Variants in ZNF385D observed in about 807,000 individuals in gnomAD.
The protein encoded by ZNF385D is zinc finger protein 385D, also known as zinc finger protein 659.
Under a neutral mutation model 35.8 loss-of-function variants are expected in ZNF385D, and 15 were observed. That is an observed-to-expected ratio of 0.42 (90% CI 0.28 to 0.64). The LOEUF (loss-of-function observed/expected upper bound fraction) is 0.64, where lower values mean the gene tolerates loss of function less well. Among genes scored for constraint, ZNF385D ranks in the 30% least tolerant of loss-of-function variants. ZNF385D has a pLI of 0.23. For missense variants in ZNF385D, 474 were observed against 494.6 expected, an observed-to-expected ratio of 0.96 and a Z score of 0.39; for synonymous variants, 212 against 186.8, an observed-to-expected ratio of 1.13 and a Z score of -1.10.
Position 21,511,043 on chromosome 3 carries a change from G to A in ZNF385D, c.277-20C>T. ...CTGGCTCTACAAAGGAGAACAAAAT[G>A]AACCATGCAATCAGGCTCATTTCTA... On this transcript the variant is annotated intron_variant, in intron 3 of 7. Coordinates refer to ENST00000281523, the MANE Select transcript of ZNF385D (RefSeq NM_024697.3). 1 of 1,613,462 alleles carries A rather than the reference G, an allele frequency of 6.2e-7. No individual in the cohort carries two copies. The highest frequency in any genetic ancestry group is 1.3e-5 in the African/African-American group (1 of 74,996).
intron 3 of ZNF385D, among the ~76,000 whole-genome samples, chr3:22,128,453 G>A (rs1021655820): frequency 6.6e-6 from 1 of 151,968 alleles, no homozygotes; most frequent in Admixed American, 6.6e-5. Flanking sequence ...AAAGTTCTCT[G>A]TTGTCTCTCT....
Position 21,810,971 on chromosome 3 carries a change from C to CGTGT in ZNF385D, c.326-145947_326-145944dup, listed in dbSNP as rs139624741. ...ACACACACACATATGTGTGTGTATA[C>CGTGT]GTGTGTGTGTGTGTGTGTGTGTGTG... On this transcript the variant is annotated intron_variant, in intron 3 of 5. Transcript: ENST00000494108. Among the ~76,000 whole-genome samples, 527 of 144,384 alleles carry CGTGT rather than the reference C, an allele frequency of 3.6e-3. 6 individuals carry two copies. The highest frequency in any genetic ancestry group is 0.012 in the African/African-American group (467 of 38,762). 94.7% of individuals were successfully genotyped at this position (144,384 alleles called of 152,430 possible).
chr3:21,803,038 TAA>T (rs1559636966), intron 3 of ZNF385D, among the ~76,000 whole-genome samples: 1 of 152,158 alleles, frequency 6.6e-6, no homozygotes. Flanking sequence ...TTAATTATGT[TAA>T]GAGTTTGTCT....
upstream of ZNF385D, among the ~76,000 whole-genome samples, chr3:21,754,853 T>C (rs191159695): frequency 1.4e-3 from 206 of 152,284 alleles, 3 homozygotes; most frequent in African/African-American, 4.5e-3. Flanking sequence ...ACAATAAATA[T>C]TTGTGAATGA....
At chr3:22,107,879 G>A (rs998346597) in intron 3 of ZNF385D, among the ~76,000 whole-genome samples, 1 of 152,042 alleles carries the variant, frequency 6.6e-6, no homozygotes, top group African/African-American at 2.4e-5. Flanking sequence ...TGTTGTCAAT[G>A]TGATGGTATT....
chr3:22,234,866 C>A (rs1472159170), intron 2 of ZNF385D, among the ~76,000 whole-genome samples: 6 of 152,102 alleles, frequency 3.9e-5, no homozygotes, highest in African/African-American at 1.4e-4. Context: ...ATTTCATCAA[C>A]TATCCTGCAT....
chr3:21,418,709 A>G lies in ZNF385D; in HGVS notation c.*2505T>C, dbSNP rs9700. ...GCTCATTCACTTTGGTGAAAATGGG[A>G]AAGAACAGCAAAAGCACGTTTTAGT... On this transcript the variant is annotated 3_prime_UTR_variant, in exon 8 of 8. Transcript: ENST00000281523. 0.45 allele frequency: 68,985 copies of G among 151,962 alleles called. 16,110 individuals carry two copies. The highest frequency in any genetic ancestry group is 0.53 in the East Asian group (2,711 of 5,144). The allele number at this position is 151,962 out of a possible 1,614,324, so 9.4% of individuals were successfully genotyped here. A position where few individuals can be genotyped will look rare whatever the true frequency, so the allele number is the denominator to read the frequency against.
At chr3:21,590,779 CATAA>C (rs1256454339) in intron 2 of ZNF385D, among the ~76,000 whole-genome samples, 1 of 151,994 alleles carries the variant, frequency 6.6e-6, no homozygotes, top group Non-Finnish European at 1.5e-5. Context: ...AAACCTAAAA[CATAA>C]ATATTCAAAT....
In ZNF385D at chr3:22,049,023, G is replaced by A. The variant is rs190222970; in HGVS notation, c.325+119794C>T. Among the ~76,000 whole-genome samples, 282 of 152,156 alleles carry A rather than the reference G, an allele frequency of 1.9e-3. 1 individual carries two copies. The highest frequency in any genetic ancestry group is 5.5e-3 in the African/African-American group (229 of 41,504). On this transcript the variant is annotated intron_variant, in intron 3 of 5. Coordinates refer to the ZNF385D transcript ENST00000494108. ...TAGAAATGCTGTTAATTGGCCGGGCGTAGTGGCTCAGGCCTGTAATCCCAG... is the reference window on the plus strand; with the variant it reads ...TAGAAATGCTGTTAATTGGCCGGGCATAGTGGCTCAGGCCTGTAATCCCAG...
At chr3:22,156,503 A>C (rs961155259) in intron 3 of ZNF385D, among the ~76,000 whole-genome samples, 1 of 152,068 alleles carries the variant, frequency 6.6e-6, no homozygotes, top group African/African-American at 2.4e-5. Context: ...TGCTTTCATG[A>C]CTGGTAGATC....
chr3:22,219,702 CAT>C (rs1393021554), intron 2 of ZNF385D, among the ~76,000 whole-genome samples: 1 of 152,058 alleles, frequency 6.6e-6, no homozygotes, highest in African/African-American at 2.4e-5. Context: ...AGGAATGACT[CAT>C]AATTAAACAA....
At chr3:21,668,561 G>C (rs903321171) in intron 1 of ZNF385D, among the ~76,000 whole-genome samples, 1 of 152,122 alleles carries the variant, frequency 6.6e-6, no homozygotes, top group African/African-American at 2.4e-5. Context: ...ATGAAAAATT[G>C]CTTTATTCTA....
At chr3:22,368,821 T>C (rs368101705) in intron 2 of ZNF385D, among the ~76,000 whole-genome samples, 4 of 152,190 alleles carry the variant, frequency 2.6e-5, no homozygotes, top group African/African-American at 9.7e-5. Flanking sequence ...GGGGGAGATA[T>C]AAACATTCAA....
intron 3 of ZNF385D, among the ~76,000 whole-genome samples, chr3:21,528,007 G>A (rs1208127517): frequency 6.6e-6 from 1 of 152,074 alleles, no homozygotes; most frequent in Admixed American, 6.6e-5. Flanking sequence ...TCAAAGATGA[G>A]GAAACTAAGG....
chr3:21,872,438 T>C (rs954072543), intron 3 of ZNF385D, among the ~76,000 whole-genome samples: 1 of 152,166 alleles, frequency 6.6e-6, no homozygotes, highest in Non-Finnish European at 1.5e-5. Context: ...ATCTATTGAA[T>C]TGAAGATACT....
chr3:21,762,680 A>G (rs1490335579), intron 3 of ZNF385D, among the ~76,000 whole-genome samples: 3 of 152,190 alleles, frequency 2.0e-5, no homozygotes, highest in Admixed American at 2.0e-4. Flanking sequence ...CATGTTGCTA[A>G]GGTGCTAAAA....
chr3:22,299,890 A>T (rs1702804215), intron 2 of ZNF385D, among the ~76,000 whole-genome samples: 1 of 151,972 alleles, frequency 6.6e-6, no homozygotes, highest in African/African-American at 2.4e-5. Flanking sequence ...TCATATACCC[A>T]AAGCAATCTA....
chr3:21,996,714 A>G (rs1177347756), intron 3 of ZNF385D, among the ~76,000 whole-genome samples: 1 of 152,120 alleles, frequency 6.6e-6, no homozygotes, highest in Non-Finnish European at 1.5e-5. Context: ...TTATATTGGA[A>G]AGTGTAATTT....
chr3:21,451,783 A>G (rs2125281540), intron 4 of ZNF385D, among the ~76,000 whole-genome samples: 1 of 152,190 alleles, frequency 6.6e-6, no homozygotes, highest in African/African-American at 2.4e-5. Context: ...GAAAAACATT[A>G]AAGTTCTTAT....
Sources: gnomAD v4.1 joint callset for allele counts (sites outside exome capture counted in the v4.1 genomes callset) on GRCh38, gnomAD v4.1.1 for gene constraint, MANE v1.5 for transcripts, NCBI Gene and HGNC (gene_info 2026-07-23, HGNC 2026-07-21) for gene names.